The following PLCB4 variants were observed in gnomAD, a reference collection of about 807,000 sequenced individuals.
PLCB4 encodes 1-phosphatidylinositol 4,5-bisphosphate phosphodiesterase beta-4.
A neutral mutation model predicts 178.8 loss-of-function variants in PLCB4; 77 were observed. The ratio of observed to expected loss-of-function variants is 0.43; its 90% CI spans 0.36 to 0.52. The LOEUF (loss-of-function observed/expected upper bound fraction) is 0.52, where lower values mean the gene tolerates loss of function less well. PLCB4 is among the 20% of genes least tolerant of loss of function. The pLI is 0.00. For missense variants in PLCB4, 1,024 were observed against 1,453.4 expected, an observed-to-expected ratio of 0.70 and a Z score of 4.80; for synonymous variants, 496 against 490.8, an observed-to-expected ratio of 1.01 and a Z score of -0.14.
chr20:9,342,096 C>T (rs1601958502), intron 7 of PLCB4, among the ~76,000 whole-genome samples: 1 of 152,068 alleles, frequency 6.6e-6, no homozygotes, highest in Non-Finnish European at 1.5e-5. Flanking sequence ...ACTCTTGCCC[C>T]CTTCCTTATC....
chr20:9,258,637 C>T (rs2094262688), intron 3 of PLCB4, among the ~76,000 whole-genome samples: 1 of 148,856 alleles, frequency 6.7e-6, no homozygotes, highest in Admixed American at 6.8e-5. Flanking sequence ...ATCGCTTGAA[C>T]TCGGGAGGCG....
intron 3 of PLCB4, among the ~76,000 whole-genome samples, chr20:9,256,496 C>T (rs902007887): frequency 1.3e-5 from 2 of 152,224 alleles, no homozygotes; most frequent in Non-Finnish European, 2.9e-5. Flanking sequence ...TACAAGGCTA[C>T]TCCTAATTGT....
At chr20:9,119,476 G>T (rs1462409161) in intron 2 of PLCB4, among the ~76,000 whole-genome samples, 1 of 146,360 alleles carries the variant, frequency 6.8e-6, no homozygotes, top group Admixed American at 6.9e-5. Flanking sequence ...TAATAGCTTG[G>T]AACTTATCTT....
intron 18 of PLCB4, among the ~76,000 whole-genome samples, chr20:9,395,236 A>C (rs1469989586): frequency 6.6e-6 from 1 of 152,148 alleles, no homozygotes; most frequent in African/African-American, 2.4e-5. Flanking sequence ...ACGAGGACTG[A>C]ACCTCCTCTC....
chr20:9,304,929 C>T (rs1244775587), intron 3 of PLCB4, among the ~76,000 whole-genome samples: 1 of 150,576 alleles, frequency 6.6e-6, no homozygotes, highest in Admixed American at 6.6e-5. Flanking sequence ...GGTACATGTG[C>T]ACAACGAGCA....
At chr20:9,436,875 C>A (rs2041805773) in intron 29 of PLCB4, 127 bp from the exon 30 acceptor site, 4 of 840,608 alleles carry the variant, frequency 4.8e-6, no homozygotes, top group Non-Finnish European at 7.3e-6. Context: ...GATCCTTTGC[C>A]TTTAAGAGAG....
At chr20:9,136,204 A>C (rs1041598546) in intron 2 of PLCB4, among the ~76,000 whole-genome samples, 1 of 152,104 alleles carries the variant, frequency 6.6e-6, no homozygotes. Context: ...TTAGTTATGC[A>C]TTGTCTTAGG....
intron 2 of PLCB4, among the ~76,000 whole-genome samples, chr20:9,201,510 A>G (rs565501255): frequency 6.6e-6 from 1 of 152,170 alleles, no homozygotes. Flanking sequence ...CTGGAATCAG[A>G]TCTTCTGCAT....
At chr20:9,378,421 G>T (rs67980970) in intron 12 of PLCB4, among the ~76,000 whole-genome samples, 18,813 of 152,066 alleles carry the variant, frequency 0.12, 2,758 homozygotes, top group African/African-American at 0.35. Flanking sequence ...AGATGGGTTT[G>T]TTGTTGTTGT....
intron 7 of PLCB4, among the ~76,000 whole-genome samples, chr20:9,349,717 G>A (rs1488398038): frequency 6.6e-6 from 1 of 152,198 alleles, no homozygotes; most frequent in Non-Finnish European, 1.5e-5. Context: ...CCAAGGGAAT[G>A]CAAAATGAAT....
intron 32 of PLCB4, 98 bp downstream of exon 32, chr20:9,444,341 A>T: frequency 1.4e-6 from 1 of 711,568 alleles, no homozygotes; most frequent in Non-Finnish European, 2.5e-6. Context: ...ACTTAACAGT[A>T]ATAACTCATT....
intron 24 of PLCB4, among the ~76,000 whole-genome samples, 153 bp downstream of exon 24, chr20:9,409,334 A>T (rs112519707): frequency 2.7e-5 from 3 of 111,238 alleles, no homozygotes; most frequent in East Asian, 2.0e-4. Context: ...GGTGAGAAAT[A>T]AAAAAAAAAA....
At chr20:9,324,190 A>C (rs559168490) in intron 4 of PLCB4, among the ~76,000 whole-genome samples, 2 of 151,592 alleles carry the variant, frequency 1.3e-5, no homozygotes, top group South Asian at 4.2e-4. Context: ...AAAAAAAAGA[A>C]AGAAATTTAA....
At chr20:9,154,866 CCCTT>C (rs1466281372) in intron 2 of PLCB4, among the ~76,000 whole-genome samples, 2 of 131,564 alleles carry the variant, frequency 1.5e-5, no homozygotes, top group Non-Finnish European at 3.3e-5. Flanking sequence ...CTCTCTCCCT[CCCTT>C]CCTTCCTTCT....
chr20:9,314,769 G>C (rs1422052247), intron 4 of PLCB4, among the ~76,000 whole-genome samples: 2 of 152,022 alleles, frequency 1.3e-5, no homozygotes, highest in Non-Finnish European at 2.9e-5. Flanking sequence ...GATTGTTGCT[G>C]CCTGATGGGA....
chr20:9,158,892 A>T (rs1265301767), intron 2 of PLCB4, among the ~76,000 whole-genome samples: 2 of 152,158 alleles, frequency 1.3e-5, no homozygotes, highest in Non-Finnish European at 2.9e-5. Context: ...TCCATACTGA[A>T]TTTGTAAATC....
intron 3 of PLCB4, among the ~76,000 whole-genome samples, chr20:9,248,100 A>G (rs2094143789): frequency 6.6e-6 from 1 of 152,118 alleles, no homozygotes; most frequent in Non-Finnish European, 1.5e-5. Flanking sequence ...GTTAGCTCTC[A>G]TGAGAATAAG....
At chr20:9,105,834 G>A (rs2146658062) in intron 2 of PLCB4, among the ~76,000 whole-genome samples, 1 of 152,024 alleles carries the variant, frequency 6.6e-6, no homozygotes, top group East Asian at 1.9e-4. Flanking sequence ...CATATAACAA[G>A]ATAAACTGTA....
At chr20:9,431,717 C>T (rs553977550) in intron 28 of PLCB4, among the ~76,000 whole-genome samples, 168 of 150,956 alleles carry the variant, frequency 1.1e-3, no homozygotes, top group African/African-American at 4.0e-3. Context: ...ACCATGTTGA[C>T]CAGGCTGATC....
Sources: allele counts gnomAD v4.1 joint callset (sites outside exome capture counted in the v4.1 genomes callset), GRCh38; gene constraint gnomAD v4.1.1; transcripts MANE v1.5; gene names NCBI Gene and HGNC (gene_info 2026-07-23, HGNC 2026-07-21).